Variants in SHOC2 observed in about 807,000 individuals in gnomAD.
SHOC2 encodes leucine-rich repeat protein SHOC-2.
Under a neutral mutation model 50.2 loss-of-function variants are expected in SHOC2, and 4 were observed. The ratio of observed to expected loss-of-function variants is 0.08; its 90% CI spans 0.04 to 0.18. SHOC2 has a LOEUF of 0.18. Ranked by LOEUF, SHOC2 falls within the 10% of genes least tolerant of loss-of-function variation. SHOC2 has a pLI of 1.00. For missense variants in SHOC2, 388 were observed against 669.6 expected, an observed-to-expected ratio of 0.58 and a Z score of 4.64; for synonymous variants, 218 against 244.5, an observed-to-expected ratio of 0.89 and a Z score of 1.01.
At chr10:110,924,560 A>C (rs1221894568) in intron 1 of SHOC2, among the ~76,000 whole-genome samples, 1 of 152,202 alleles carries the variant, frequency 6.6e-6, no homozygotes, top group South Asian at 2.1e-4. Flanking sequence ...TATTATTAAT[A>C]ATAATATTTC....
At chr10:110,986,205 T>C (rs577677518) in intron 3 of SHOC2, among the ~76,000 whole-genome samples, 7 of 152,230 alleles carry the variant, frequency 4.6e-5, no homozygotes, top group Non-Finnish European at 8.8e-5. Flanking sequence ...ACTAAGGGGA[T>C]AAGCAAGGAG....
At chr10:110,944,363 GA>G (rs1166810900) in intron 1 of SHOC2, among the ~76,000 whole-genome samples, 4 of 118,038 alleles carry the variant, frequency 3.4e-5, no homozygotes, top group Non-Finnish European at 6.8e-5. Context: ...GATCACAAAT[GA>G]AAAGTATGTA....
chr10:111,001,328 A>T (rs1381838105), intron 4 of SHOC2, among the ~76,000 whole-genome samples: 2 of 151,702 alleles, frequency 1.3e-5, no homozygotes, highest in African/African-American at 4.8e-5. Context: ...TTAATTTTGT[A>T]TTTTTAGTAG....
intron 4 of SHOC2, among the ~76,000 whole-genome samples, chr10:111,001,294 G>A (rs1011147705): frequency 2.0e-5 from 3 of 151,812 alleles, no homozygotes; most frequent in Non-Finnish European, 4.4e-5. Context: ...AAGTAGCTGG[G>A]ATAAAAGGCA....
rs529696072 is a variant in SHOC2 at position 110,928,653 on chromosome 10, T to TGGGAGGCTGAGGCAGA, written c.-235+8997_-235+9012dup. Among the ~76,000 whole-genome samples the TGGGAGGCTGAGGCAGA allele has an allele frequency of 2.9e-3, 439 of 152,220 alleles. 2 individuals carry two copies. Among genetic ancestry groups the TGGGAGGCTGAGGCAGA allele is most frequent in the Non-Finnish European group, 5.4e-3 (370 of 68,016 alleles). On this transcript the variant is annotated intron_variant, in intron 1 of 8. Coordinates refer to ENST00000369452, the MANE Select transcript of SHOC2 (RefSeq NM_007373.4). ...GCTTATACCTGTAATCCCAGGAGTT[T>TGGGAGGCTGAGGCAGA]GGGAGGCTGAGGCAGATGGATCGCT... is the stretch of plus-strand genomic sequence containing the variant.
intron 3 of SHOC2, among the ~76,000 whole-genome samples, chr10:110,986,576 C>T (rs554077339): frequency 1.5e-3 from 226 of 152,124 alleles, no homozygotes; most frequent in Middle Eastern, 3.4e-3. Context: ...TGGGTTCATG[C>T]GATTCTCCTG....
chr10:110,950,768 C>T (rs1390339978), intron 1 of SHOC2, among the ~76,000 whole-genome samples: 1 of 152,028 alleles, frequency 6.6e-6, no homozygotes, highest in Non-Finnish European at 1.5e-5. Flanking sequence ...GAGAAGTGAT[C>T]GTTTCTTCAA....
intron 1 of SHOC2, among the ~76,000 whole-genome samples, chr10:110,953,193 C>T (rs117395661): frequency 3.9e-5 from 6 of 152,292 alleles, no homozygotes; most frequent in South Asian, 4.1e-4. Flanking sequence ...GCAGTTTAAA[C>T]GTGTTCCTGT....
intron 1 of SHOC2, among the ~76,000 whole-genome samples, chr10:110,944,996 T>G (rs901262579): frequency 1.3e-5 from 2 of 152,188 alleles, no homozygotes; most frequent in Non-Finnish European, 1.5e-5. Context: ...TCCTTGAGCA[T>G]GTACACAGCC....
Position 110,973,598 on chromosome 10 carries a change from G to C in SHOC2, c.703+8537G>C, listed in dbSNP as rs1847822766. On this transcript the variant is annotated intron_variant, in intron 2 of 8. Transcript: ENST00000369452. Reference sequence around the variant, plus strand: ...TTCTTCCTCTTTTATATTCTAGAAGGGTTTGTGCAGAATTAGTATTATTTC... The same window carrying C: ...TTCTTCCTCTTTTATATTCTAGAAGCGTTTGTGCAGAATTAGTATTATTTC... 1.3e-5 allele frequency among the ~76,000 whole-genome samples: 2 copies of C among 151,902 alleles called. 1 individual carries two copies. Among genetic ancestry groups the C allele is most frequent in the African/African-American group, 4.8e-5 (2 of 41,354 alleles).
intron 4 of SHOC2, among the ~76,000 whole-genome samples, chr10:111,004,117 C>G (rs1395076287): frequency 6.6e-6 from 1 of 152,040 alleles, no homozygotes; most frequent in Non-Finnish European, 1.5e-5. Flanking sequence ...TTAATAGTTC[C>G]TAAAAGGAAT....
rs778280516 is a variant in SHOC2 at position 111,011,702 on chromosome 10, A to G, written c.1633A>G (p.Ile545Val). ...GCTGGCACTCTGCAGCAAGCTTTCA[A>G]TCATGAGTATTGAGAACTGTCCACT... ...FELALCSKLS[I>V]MSIENCPLSH... The change falls in exon 9 of 9, where the codon ATC becomes GTC. Residue 545 changes from isoleucine to valine, a missense_variant. Around this residue, in one of 5 missense-constraint regions of SHOC2, gnomAD observed 130 missense variants for 208.6 expected, o/e 0.62. Coordinates refer to ENST00000369452, the MANE Select transcript of SHOC2 (RefSeq NM_007373.4). The G allele has an allele frequency of 6.8e-6, 11 of 1,613,990 alleles. No homozygotes were observed. In the Admixed American group the frequency reaches 1.0e-4, roughly 15 times the overall value.
chr10:110,993,580 T>G (rs1350898187), intron 3 of SHOC2, among the ~76,000 whole-genome samples: 1 of 152,128 alleles, frequency 6.6e-6, no homozygotes, highest in African/African-American at 2.4e-5. Flanking sequence ...AGCAAAAAAT[T>G]TAGATCCAAG....
chr10:110,990,810 A>G (rs1479376588), intron 3 of SHOC2, among the ~76,000 whole-genome samples: 3 of 152,242 alleles, frequency 2.0e-5, no homozygotes, highest in African/African-American at 7.2e-5. Context: ...CTCTACTGCA[A>G]ATCAGACAGG....
chr10:111,013,082 A>G lies in SHOC2; in HGVS notation c.*1264A>G, dbSNP rs1315571572. On this transcript the variant is annotated 3_prime_UTR_variant, in exon 9 of 9. Coordinates refer to ENST00000369452, the MANE Select transcript of SHOC2 (RefSeq NM_007373.4). ...CAGTTATGGAAAAGAGGCACATTGC[A>G]TAGAAGCCATTGGGGAGTTCAGTGG... 2 of 152,570 alleles carry G rather than the reference A, an allele frequency of 1.3e-5. No homozygotes were observed. The highest frequency in any genetic ancestry group is 1.9e-4 in the East Asian group (1 of 5,200). The allele number at this position is 152,570 out of a possible 1,614,324, so 9.5% of individuals were successfully genotyped here.
chr10:110,972,996 A>C (rs1202416798), intron 2 of SHOC2, among the ~76,000 whole-genome samples: 2 of 152,170 alleles, frequency 1.3e-5, no homozygotes, highest in Non-Finnish European at 2.9e-5. Flanking sequence ...TCAGAGGAGC[A>C]TTGTCACTTG....
chr10:110,937,418 C>T (rs1157783395), intron 1 of SHOC2, among the ~76,000 whole-genome samples: 1 of 152,204 alleles, frequency 6.6e-6, no homozygotes, highest in African/African-American at 2.4e-5. Flanking sequence ...TTTGAAGATG[C>T]AAGCCATTTC....
chr10:110,936,068 T>C (rs1590781764), intron 1 of SHOC2, among the ~76,000 whole-genome samples: 1 of 152,196 alleles, frequency 6.6e-6, no homozygotes, highest in Admixed American at 6.5e-5. Context: ...GGGTAAATTC[T>C]TGAGTACTCT....
intron 2 of SHOC2, among the ~76,000 whole-genome samples, chr10:110,979,990 A>G (rs147537856): frequency 1.3e-5 from 2 of 152,334 alleles, no homozygotes; most frequent in Non-Finnish European, 2.9e-5. Context: ...AGAAATTGAA[A>G]GTAAGCATTT....
Sources: gnomAD v4.1 joint callset for allele counts (sites outside exome capture counted in the v4.1 genomes callset) on GRCh38, gnomAD v4.1.1 for gene constraint, gnomAD v4.1.1 regional missense constraint, MANE v1.5 for transcripts, NCBI Gene and HGNC (gene_info 2026-07-23, HGNC 2026-07-21) for gene names.